SMYD3: variants seen among roughly 807,000 people sequenced by gnomAD.
The protein encoded by SMYD3 is SET and MYND domain containing 3, also known as histone-lysine N-methyltransferase SMYD3.
In SMYD3, 36 loss-of-function variants were observed where a neutral mutation model predicts 57.7. That is an observed-to-expected ratio of 0.62 (90% confidence interval 0.48 to 0.82). SMYD3 has a LOEUF of 0.82. SMYD3 is among the 40% of genes least tolerant of loss of function. SMYD3 has a pLI of 0.00. For synonymous variants in SMYD3, 211 were observed against 195.0 expected (o/e 1.08, Z -0.68); for missense variants, 515 against 538.8 (o/e 0.96, Z 0.44).
intron 5 of SMYD3, among the ~76,000 whole-genome samples, chr1:246,209,203 G>C (rs2063048749): frequency 6.6e-6 from 1 of 152,028 alleles, no homozygotes; most frequent in South Asian, 2.1e-4. Context: ...ATTCCAGTGA[G>C]GGACCAAGAA....
intron 1 of SMYD3, among the ~76,000 whole-genome samples, chr1:246,506,317 C>G (rs1391222124): frequency 6.6e-6 from 1 of 152,174 alleles, no homozygotes; most frequent in African/African-American, 2.4e-5. Context: ...GCTTCCAAAA[C>G]ACCTTCACGT....
chr1:246,007,433 T>G (rs1412959486), intron 5 of SMYD3, among the ~76,000 whole-genome samples: 1 of 152,122 alleles, frequency 6.6e-6, no homozygotes, highest in African/African-American at 2.4e-5. Context: ...TAAATGAGAT[T>G]CATTCACCTG....
rs141876707 is a variant in SMYD3 at position 246,426,424 on chromosome 1, G to A, written c.165-71330C>T. ...TTACTCCCTATCCCTACCCCATCTCGACCTCCCAGCCCTACACAGCCACTA... is the reference window on the plus strand; with the variant it reads ...TTACTCCCTATCCCTACCCCATCTCAACCTCCCAGCCCTACACAGCCACTA... On this transcript the variant is annotated intron_variant, in intron 1 of 11. Transcript: ENST00000490107. Among the ~76,000 whole-genome samples the A allele has an allele frequency of 5.2e-3, 787 of 152,064 alleles. 11 individuals are homozygous for A. Among genetic ancestry groups the A allele is most frequent in the South Asian group, 0.027 (129 of 4,812 alleles).
At chr1:246,173,250 A>T (rs2062374018) in intron 5 of SMYD3, among the ~76,000 whole-genome samples, 1 of 152,010 alleles carries the variant, frequency 6.6e-6, no homozygotes, top group Non-Finnish European at 1.5e-5. Flanking sequence ...CTTAGGCTAC[A>T]CCGGCCTAGA....
chr1:246,086,037 G>A (rs73139807), intron 5 of SMYD3, among the ~76,000 whole-genome samples: 2,342 of 151,222 alleles, frequency 0.015, 66 homozygotes, highest in African/African-American at 0.052. Flanking sequence ...CTAGCATGCC[G>A]AATGACTAGA....
chr1:245,806,783 G>T (rs184037080), intron 10 of SMYD3, among the ~76,000 whole-genome samples: 3 of 151,164 alleles, frequency 2.0e-5, no homozygotes, highest in Admixed American at 1.3e-4. Flanking sequence ...GGTGGCGGGC[G>T]CCTGTAGTCC....
At position 245,833,073 on chromosome 1, in the gene SMYD3, A is replaced by AAAAAAAAAAAAAC; in HGVS notation, c.1076+25422_1076+25423insGTTTTTTTTTTTT. The stretch of plus-strand genomic sequence containing the variant: ...GGAATATGTGACAAAAAAAAAAAAA[A>AAAAAAAAAAAAAC]AACCTGCTTTTATAATGCTGATTCA... On this transcript the variant is annotated intron_variant, in intron 10 of 11. Transcript: ENST00000490107. 3.1e-4 allele frequency among the ~76,000 whole-genome samples: 40 copies of AAAAAAAAAAAAAC among 128,658 alleles called. 3 individuals carry two copies. The highest frequency in any genetic ancestry group is 2.4e-3 in the East Asian group (7 of 2,968). The allele number at this position is 128,658 out of a possible 152,430, so 84.4% of individuals were successfully genotyped here.
chr1:245,832,028 T>C (rs958163583), intron 10 of SMYD3, among the ~76,000 whole-genome samples: 7 of 152,194 alleles, frequency 4.6e-5, no homozygotes, highest in African/African-American at 1.7e-4. Context: ...CTTTGCCAAC[T>C]TTGTCTACCT....
At chr1:246,039,804 G>A (rs754749819) in intron 5 of SMYD3, among the ~76,000 whole-genome samples, 6 of 152,132 alleles carry the variant, frequency 3.9e-5, no homozygotes, top group African/African-American at 1.4e-4. Context: ...AGCCAAGGGC[G>A]CAGGTTCAGT....
chr1:246,241,925 G>A (rs2148477611), intron 5 of SMYD3, among the ~76,000 whole-genome samples: 1 of 152,162 alleles, frequency 6.6e-6, no homozygotes, highest in East Asian at 1.9e-4. Context: ...ATTTCTGTGG[G>A]GTCAGTGGTG....
intron 1 of SMYD3, among the ~76,000 whole-genome samples, chr1:246,412,194 T>A (rs2102987021): frequency 6.6e-6 from 1 of 152,248 alleles, no homozygotes; most frequent in South Asian, 2.1e-4. Flanking sequence ...AACTCACAAT[T>A]CCTTGAGTAG....
chr1:246,400,403 G>A (rs1174419304), intron 1 of SMYD3, among the ~76,000 whole-genome samples: 2 of 152,084 alleles, frequency 1.3e-5, no homozygotes, highest in Non-Finnish European at 2.9e-5. Flanking sequence ...TTATTTATTT[G>A]TTTGTTTATT....
chr1:246,458,111 G>T (rs1483143185), intron 1 of SMYD3, among the ~76,000 whole-genome samples: 1 of 152,144 alleles, frequency 6.6e-6, no homozygotes, highest in Non-Finnish European at 1.5e-5. Context: ...AGGACTCCAT[G>T]TTGTGCCTAA....
intron 1 of SMYD3, among the ~76,000 whole-genome samples, chr1:246,427,891 AT>A (rs1454409419): frequency 6.6e-6 from 1 of 152,224 alleles, no homozygotes; most frequent in Non-Finnish European, 1.5e-5. Flanking sequence ...AGAATTTAGA[AT>A]TTAGAGGTAT....
intron 10 of SMYD3, among the ~76,000 whole-genome samples, chr1:245,853,431 C>T (rs1251571245): frequency 1.3e-5 from 2 of 152,184 alleles, no homozygotes; most frequent in South Asian, 2.1e-4. Flanking sequence ...CGGCATCGAA[C>T]GCGCGCTCAG....
chr1:246,039,118 C>T (rs1001878947), intron 5 of SMYD3, among the ~76,000 whole-genome samples: 1 of 152,042 alleles, frequency 6.6e-6, no homozygotes, highest in Non-Finnish European at 1.5e-5. Flanking sequence ...AAACATAGAC[C>T]GTGGAAATTT....
chr1:245,770,944 C>T (rs1229090932), intron 10 of SMYD3, among the ~76,000 whole-genome samples: 1 of 151,990 alleles, frequency 6.6e-6, no homozygotes, highest in African/African-American at 2.4e-5. Context: ...ATCAAAGATA[C>T]AGAGACAATG....
chr1:246,268,476 G>T (rs1484575558), intron 5 of SMYD3, among the ~76,000 whole-genome samples: 1 of 152,116 alleles, frequency 6.6e-6, no homozygotes, highest in Non-Finnish European at 1.5e-5. Flanking sequence ...AAGGCAGGCA[G>T]ATCACAAGGT....
intron 1 of SMYD3, among the ~76,000 whole-genome samples, chr1:246,470,707 A>G (rs2067950608): frequency 6.6e-6 from 1 of 151,656 alleles, no homozygotes; most frequent in African/African-American, 2.4e-5. Flanking sequence ...GTGCATATAT[A>G]TATACATACA....
Sources: allele counts gnomAD v4.1 joint callset (sites outside exome capture counted in the v4.1 genomes callset), GRCh38; gene constraint gnomAD v4.1.1; transcripts MANE v1.5; gene names NCBI Gene and HGNC (gene_info 2026-07-23, HGNC 2026-07-21).